ADAT1: variants seen among roughly 807,000 people sequenced by gnomAD.
The protein encoded by ADAT1 is tRNA-specific adenosine deaminase 1.
In ADAT1, 58 loss-of-function variants were observed where a neutral mutation model predicts 58.6. That is an observed-to-expected ratio of 0.99 (90% CI 0.80 to 1.23). The LOEUF (loss-of-function observed/expected upper bound fraction) is 1.23. Among genes scored for constraint, ADAT1 ranks in the 50% most tolerant of loss-of-function variants. The pLI is 0.00. For synonymous variants in ADAT1, 254 were observed against 220.8 expected, an observed-to-expected ratio of 1.15 and a Z score of -1.33; for missense variants, 741 against 608.6, an observed-to-expected ratio of 1.22 and a Z score of -2.29.
intron 7 of ADAT1, 43 bp downstream of exon 7, chr16:75,608,800 G>C (rs2081437109): frequency 1.0e-5 from 16 of 1,589,176 alleles, no homozygotes; most frequent in Middle Eastern, 2.1e-4. Context: ...CTCTCAGTCA[G>C]GGGAGCAGTT....
In ADAT1 at chr16:75,600,135, C is replaced by T. The variant is rs2081185319; in HGVS notation, c.*81G>A. Reference sequence around the variant, plus strand: ...GAAAGAATGTTCCCTGATTTAACTACCAAAAAAGCTAAGACTTGTCCTGCG... The same window carrying T: ...GAAAGAATGTTCCCTGATTTAACTATCAAAAAAGCTAAGACTTGTCCTGCG... On this transcript the variant is annotated 3_prime_UTR_variant, in exon 10 of 10. Coordinates refer to ENST00000564657, the MANE Select transcript of ADAT1 (RefSeq NM_001324445.2). The T allele has an allele frequency of 3.2e-6, 5 of 1,567,696 alleles. No individual in the cohort carries two copies. The Admixed American group carries it at 7.5e-5, about 23-fold the overall frequency.
At position 75,622,432 on chromosome 16, in the gene ADAT1, A is replaced by T. The variant is rs964579458; in HGVS notation, c.-51T>A. 1.3e-5 allele frequency: 2 copies of T among 152,172 alleles called. No homozygotes were observed. The highest frequency in any genetic ancestry group is 4.8e-5 in the African/African-American group (2 of 41,442). The allele number at this position is 152,172 out of a possible 1,614,324, so 9.4% of individuals were successfully genotyped here. A position where few individuals can be genotyped will look rare whatever the true frequency, so the allele number is the denominator to read the frequency against. On this transcript the variant is annotated 5_prime_UTR_variant, in exon 1 of 10. Coordinates refer to ENST00000564657, the MANE Select transcript of ADAT1 (RefSeq NM_001324445.2). Reference sequence around the variant, plus strand: ...CATTTCTAGGGAGGCATCACAAGGCAGTATAGTTTATGAAGACCACCTGGC... The same window carrying T: ...CATTTCTAGGGAGGCATCACAAGGCTGTATAGTTTATGAAGACCACCTGGC...
chr16:75,612,642 T>A lies in ADAT1; in HGVS notation c.644A>T (p.His215Leu). The A allele has an allele frequency of 2.5e-6, 4 of 1,614,074 alleles. No homozygotes were observed. The highest frequency in any genetic ancestry group is 3.4e-6 in the Non-Finnish European group (4 of 1,180,020). ...ACTTTTCTGCTTGCCAAAACTCTGA[T>A]GGTGAGCTGCTCCGTTGGTGACCTC... ...AREVTNGAAH[H>L]QSFGKQKSGP... is the part of the protein sequence containing the mutation. The change falls in exon 6 of 10, where the codon CAT becomes CTT. Residue 215 changes from histidine (H) to leucine (L), a missense_variant. By Grantham distance (99) the His-to-Leu change is moderately conservative. Transcript: ENST00000564657.
At chr16:75,614,597 G>A (rs912484630) in intron 5 of ADAT1, among the ~76,000 whole-genome samples, 24 of 152,226 alleles carry the variant, frequency 1.6e-4, no homozygotes, top group African/African-American at 5.1e-4. Flanking sequence ...CAAGGTCACA[G>A]TGACTTTGGA....
intron 8 of ADAT1, among the ~76,000 whole-genome samples, chr16:75,603,888 C>A (rs1023656731): frequency 1.3e-5 from 2 of 152,110 alleles, no homozygotes; most frequent in Non-Finnish European, 2.9e-5. Context: ...TCAGCTTGGA[C>A]ACAGTGACCA....
intron 5 of ADAT1, among the ~76,000 whole-genome samples, chr16:75,613,591 G>C (rs974880414): frequency 3.3e-5 from 5 of 152,192 alleles, no homozygotes; most frequent in Admixed American, 2.0e-4. Flanking sequence ...GATTACAGGT[G>C]TGAGCCAGCG....
In ADAT1 at chr16:75,612,560, A is replaced by C. The variant is rs368149459; in HGVS notation, c.726T>G (p.Thr242=). 3 of 1,614,044 alleles carry C rather than the reference A, an allele frequency of 1.9e-6. No individual in the cohort carries two copies. The African/African-American group carries it at 4.0e-5, about 22-fold the overall frequency. ...SCDLTVEGLA[T]VTRIAPGSAK... is the part of the protein sequence containing the mutation. Reference sequence around the variant, plus strand: ...CACTACCAGGGGCTATTCTGGTGACAGTAGCCAGTCCCTCTACAGTGAGAT... The same window carrying C: ...CACTACCAGGGGCTATTCTGGTGACCGTAGCCAGTCCCTCTACAGTGAGAT... The change falls in exon 6 of 10, where the codon ACT becomes ACG. Residue 242 remains threonine (T), a synonymous_variant. Transcript: ENST00000564657.
chr16:75,612,816 G>C lies in ADAT1; in HGVS notation c.470C>G (p.Pro157Arg), dbSNP rs1240319842. The C allele has an allele frequency of 2.5e-6, 4 of 1,613,864 alleles. No individual in the cohort carries two copies. Among genetic ancestry groups the C allele is most frequent in the Admixed American group, 1.7e-5 (1 of 59,932 alleles). ...CCAATTTCTGAAGACAGGACAGCAA[G>C]GCTGATCTTCAAACTCAAGCATCGG... The part of the protein sequence containing the change: ...IIPMLEFEDQ[P>R]CCPVFRNWAH... The change falls in exon 6 of 10, where the codon CCT becomes CGT. Residue 157 changes from proline (P) to arginine (R), a missense_variant. By Grantham distance (103) the Pro-to-Arg change is moderately radical (BLOSUM62 -2). Transcript: ENST00000564657.
intron 6 of ADAT1, 27 bp downstream of exon 6, chr16:75,612,216 C>T (rs777306412): frequency 1.9e-6 from 3 of 1,602,480 alleles, no homozygotes; most frequent in Non-Finnish European, 2.6e-6. Flanking sequence ...AATGACTGTT[C>T]CAATTGAGCC....
In ADAT1 at chr16:75,611,629, C is replaced by T. The variant is rs573673357; in HGVS notation, c.1043+614G>A. On this transcript the variant is annotated intron_variant, in intron 6 of 9. Coordinates refer to ENST00000564657, the MANE Select transcript of ADAT1 (RefSeq NM_001324445.2). Reference sequence around the variant, plus strand: ...ACTTCTGTGCTCAAGCAATCCGCCCCCCTCGACCTCCCAAAGTGCTGGGAT... The same window carrying T: ...ACTTCTGTGCTCAAGCAATCCGCCCTCCTCGACCTCCCAAAGTGCTGGGAT... Among the ~76,000 whole-genome samples the T allele has an allele frequency of 3.3e-3, 501 of 152,082 alleles. 1 individual carries two copies. The highest frequency in any genetic ancestry group is 5.5e-3 in the Non-Finnish European group (375 of 67,992).
At chr16:75,618,320 CA>C (rs762696566) in intron 4 of ADAT1, among the ~76,000 whole-genome samples, 1 of 151,816 alleles carries the variant, frequency 6.6e-6, no homozygotes, top group Non-Finnish European at 1.5e-5. Context: ...GCCTGGCCAG[CA>C]TGGTGAAACC....
chr16:75,604,672 T>C (rs1040466394), intron 8 of ADAT1, among the ~76,000 whole-genome samples: 1 of 151,790 alleles, frequency 6.6e-6, no homozygotes, highest in African/African-American at 2.4e-5. Flanking sequence ...ATAGCAAATA[T>C]ATGTCCTTAA....
intron 3 of ADAT1, among the ~76,000 whole-genome samples, 178 bp downstream of exon 3, chr16:75,620,087 GC>G (rs1190784757): frequency 1.3e-5 from 2 of 151,990 alleles, no homozygotes; most frequent in African/African-American, 4.8e-5. Flanking sequence ...AGAGGCCTCC[GC>G]TTTGATGGTG....
In ADAT1 at chr16:75,608,244, T is replaced by C. The variant is rs779182170; in HGVS notation, c.1269A>G (p.Thr423=). 1 of 1,614,024 alleles carries C rather than the reference T, an allele frequency of 6.2e-7. No individual in the cohort carries two copies. Among genetic ancestry groups the C allele is most frequent in the Non-Finnish European group, 8.5e-7 (1 of 1,179,952 alleles). Reference sequence around the variant, plus strand: ...TGTACCTTGCCTGAAGGCTTCCAATTGTTTTCTTTGTTGTTCCCTGTGGAA... The same window carrying C: ...TGTACCTTGCCTGAAGGCTTCCAATCGTTTTCTTTGTTGTTCCCTGTGGAA... ...NGFPQGTTKK[T]IGSLQARSQI... The change falls in exon 8 of 10, where the codon ACA becomes ACG. Residue 423 remains threonine (T), a synonymous_variant. Transcript: ENST00000564657.
intron 5 of ADAT1, among the ~76,000 whole-genome samples, chr16:75,614,943 G>A (rs921021781): frequency 5.3e-5 from 8 of 151,992 alleles, no homozygotes; most frequent in African/African-American, 1.9e-4. Flanking sequence ...CTCAATTACC[G>A]GCCAGGCGCA....
intron 8 of ADAT1, among the ~76,000 whole-genome samples, chr16:75,603,965 T>C (rs138728420): frequency 2.6e-5 from 4 of 152,270 alleles, no homozygotes; most frequent in Non-Finnish European, 4.4e-5. Context: ...GGCTGGAACC[T>C]AGCCTACTTC....
intron 8 of ADAT1, among the ~76,000 whole-genome samples, chr16:75,604,727 C>A (rs2151748611): frequency 6.6e-6 from 1 of 151,828 alleles, no homozygotes; most frequent in South Asian, 2.1e-4. Context: ...CGCTTTTATT[C>A]AACATTATAC....
rs59178692 is a variant in ADAT1, at chr16:75,615,483, A to T, written c.424+1659T>A. ...ACGCAAACGATAGTTGATGAGCTAA[A>T]AAAAAAAAAAAAAAAAAAAAAAAAA... On this transcript the variant is annotated intron_variant, in intron 5 of 9. Transcript: ENST00000564657. Among the ~76,000 whole-genome samples the T allele has an allele frequency of 1.8e-3, 193 of 107,584 alleles. 9 individuals carry two copies. In the East Asian group the frequency reaches 0.058, roughly 32 times the overall value. 70.6% of individuals were successfully genotyped at this position (107,584 alleles called of 152,430 possible).
chr16:75,611,515 T>A (rs961715198), intron 6 of ADAT1, among the ~76,000 whole-genome samples: 1 of 152,024 alleles, frequency 6.6e-6, no homozygotes, highest in Non-Finnish European at 1.5e-5. Context: ...GCTGCCCTAT[T>A]CTAGGACTAC....
Sources: allele counts gnomAD v4.1 joint callset (sites outside exome capture counted in the v4.1 genomes callset), GRCh38; gene constraint gnomAD v4.1.1; transcripts MANE v1.5; gene names NCBI Gene and HGNC (gene_info 2026-07-23, HGNC 2026-07-21).